Variants in FUT8 observed in about 807,000 individuals in gnomAD.
FUT8 encodes the protein alpha-(1,6)-fucosyltransferase.
A neutral mutation model predicts 71.3 loss-of-function variants in FUT8; 29 were observed. That is an observed-to-expected ratio of 0.41 (90% CI 0.30 to 0.55). The LOEUF (loss-of-function observed/expected upper bound fraction) is 0.55, where lower values mean the gene tolerates loss of function less well. Among genes scored for constraint, FUT8 ranks in the 20% least tolerant of loss-of-function variants. FUT8 has a pLI of 0.34. For synonymous variants in FUT8, 254 were observed against 239.3 expected, an observed-to-expected ratio of 1.06 and a Z score of -0.57; for missense variants, 544 against 702.1, an observed-to-expected ratio of 0.77 and a Z score of 2.55.
chr14:65,378,837 G>GTTTTTTTTTTTTTTTT, the FUT8 span, among the ~76,000 whole-genome samples: 1 of 66,830 alleles, frequency 1.5e-5, no homozygotes, highest in Non-Finnish European at 2.7e-5. Context: ...TCACAAGAAG[G>GTTTTTTTTTTTTTTTT]TTTTTTTTTT....
the FUT8 span, among the ~76,000 whole-genome samples, chr14:65,386,007 C>T: frequency 2.0e-5 from 3 of 152,080 alleles, no homozygotes; most frequent in Non-Finnish European, 4.4e-5. Flanking sequence ...CAAAAATTAG[C>T]TGGGCGTGGT....
intron 7 of FUT8, among the ~76,000 whole-genome samples, chr14:65,680,321 A>G (rs566701496): frequency 6.6e-6 from 1 of 152,358 alleles, no homozygotes; most frequent in East Asian, 1.9e-4. Flanking sequence ...CAGAAACTTT[A>G]TAGTTTTAGC....
chr14:65,412,383 C>T, upstream of FUT8: 2 of 454,774 alleles, frequency 4.4e-6, no homozygotes, highest in Non-Finnish European at 8.8e-6. Flanking sequence ...CGGTCCATTC[C>T]CGGCGCTGTA....
chr14:65,598,957 ATT>A (rs774252946), intron 3 of FUT8, among the ~76,000 whole-genome samples: 122 of 152,034 alleles, frequency 8.0e-4, no homozygotes, highest in Non-Finnish European at 1.4e-3. Flanking sequence ...CGCCTGGCTA[ATT>A]TTTTGTATTT....
the FUT8 span, among the ~76,000 whole-genome samples, chr14:65,386,490 T>C: frequency 2.6e-5 from 3 of 115,652 alleles, no homozygotes; most frequent in African/African-American, 7.1e-5. Context: ...GGCCACAGAG[T>C]GAGACCTCGT....
chr14:65,648,009 A>G lies in FUT8; in HGVS notation c.597+18403A>G, dbSNP rs1190842721. Among the ~76,000 whole-genome samples the G allele has an allele frequency of 3.3e-5, 5 of 152,164 alleles. No homozygotes were observed. In the East Asian group the frequency reaches 9.6e-4, roughly 29 times the overall value. ...GAGGTTGCTCTTCCTTTTTGCCACC[A>G]TGTTTTTACAGATTTTATTGGCCTA... On this transcript the variant is annotated intron_variant, in intron 6 of 10. Coordinates refer to ENST00000673929, the MANE Select transcript of FUT8 (RefSeq NM_001371533.1).
chr14:65,610,098 AAAC>A (rs140784957), intron 3 of FUT8, among the ~76,000 whole-genome samples: 3,466 of 152,046 alleles, frequency 0.023, 143 homozygotes, highest in African/African-American at 0.078. Context: ...CAACCTTGTT[AAAC>A]AACATCAGAT....
At chr14:65,358,736 C>G in the FUT8 span, among the ~76,000 whole-genome samples, 1 of 152,172 alleles carries the variant, frequency 6.6e-6, no homozygotes, top group Non-Finnish European at 1.5e-5. Flanking sequence ...TAGGTGTGAG[C>G]TACCATGCCC....
the FUT8 span, among the ~76,000 whole-genome samples, chr14:65,369,809 T>C: frequency 5.3e-5 from 8 of 152,342 alleles, no homozygotes; most frequent in African/African-American, 1.7e-4. This position sits in a 1 kb window ranked among gnomAD's most constrained non-coding sequence, Gnocchi z 4.6. Flanking sequence ...GTTTGGCATA[T>C]AATCCAGAAA....
intron 6 of FUT8, among the ~76,000 whole-genome samples, chr14:65,661,021 T>G (rs533251041): frequency 1.3e-5 from 2 of 152,340 alleles, no homozygotes; most frequent in South Asian, 4.1e-4. Flanking sequence ...GTCTTCTGAT[T>G]AGAGCAGACA....
chr14:65,658,361 A>G (rs894083639), intron 6 of FUT8, among the ~76,000 whole-genome samples: 2 of 152,166 alleles, frequency 1.3e-5, no homozygotes, highest in African/African-American at 4.8e-5. Context: ...TGGTACAGCC[A>G]TTCTAGGAAA....
intron 7 of FUT8, among the ~76,000 whole-genome samples, chr14:65,682,613 G>C (rs1423884236): frequency 1.3e-5 from 2 of 152,154 alleles, no homozygotes; most frequent in Non-Finnish European, 2.9e-5. Context: ...AAAGTGACCA[G>C]ACATCTTAGG....
chr14:65,597,940 G>A (rs1594801768), intron 3 of FUT8, among the ~76,000 whole-genome samples: 1 of 152,116 alleles, frequency 6.6e-6, no homozygotes, highest in Non-Finnish European at 1.5e-5. Flanking sequence ...AGGCTGAGGC[G>A]AGAGGATTGC....
intron 3 of FUT8, among the ~76,000 whole-genome samples, chr14:65,593,631 A>G (rs1224402129): frequency 2.0e-5 from 3 of 151,404 alleles, no homozygotes; most frequent in African/African-American, 7.3e-5. Context: ...GCTGGAGTGC[A>G]ATGGCACTAT....
intron 2 of FUT8, among the ~76,000 whole-genome samples, chr14:65,460,101 A>G (rs1221787312): frequency 2.0e-5 from 3 of 152,174 alleles, no homozygotes; most frequent in Admixed American, 6.5e-5. Flanking sequence ...GAAACATCTC[A>G]TTGTATTGTA....
chr14:65,737,981 A>G (rs1337998611), intron 10 of FUT8, among the ~76,000 whole-genome samples: 5 of 152,148 alleles, frequency 3.3e-5, no homozygotes, highest in African/African-American at 1.2e-4. Context: ...GATGTGGCTC[A>G]TGAAACAACA....
chr14:65,530,117 T>A (rs1377914739), intron 2 of FUT8, among the ~76,000 whole-genome samples: 1 of 152,186 alleles, frequency 6.6e-6, no homozygotes, highest in Admixed American at 6.5e-5. Context: ...TTTCTGTAAC[T>A]CTCTCACTTC....
intron 10 of FUT8, among the ~76,000 whole-genome samples, chr14:65,737,182 C>T (rs1226835152): frequency 6.6e-6 from 1 of 152,120 alleles, no homozygotes; most frequent in Admixed American, 6.6e-5. Flanking sequence ...TCTGGGAATT[C>T]TCTCTTCTTC....
At chr14:65,741,293 C>T (rs1195108795) in intron 10 of FUT8, among the ~76,000 whole-genome samples, 1 of 151,764 alleles carries the variant, frequency 6.6e-6, no homozygotes, top group African/African-American at 2.4e-5. Context: ...CAGTTTATGT[C>T]ATCCAAGCAT....
Sources: allele counts gnomAD v4.1 joint callset (sites outside exome capture counted in the v4.1 genomes callset), GRCh38; gene constraint gnomAD v4.1.1; non-coding constraint Gnocchi (gnomAD v3.1); transcripts MANE v1.5; gene names NCBI Gene and HGNC (gene_info 2026-07-23, HGNC 2026-07-21).